Variants in CPD observed in about 807,000 individuals in gnomAD.
CPD encodes carboxypeptidase D.
In CPD, 69 loss-of-function variants were observed where a neutral mutation model predicts 138.3. That is an observed-to-expected ratio of 0.50 (90% CI 0.41 to 0.61). The LOEUF (loss-of-function observed/expected upper bound fraction) is 0.61. Ranked by LOEUF, CPD falls within the 20% of genes least tolerant of loss-of-function variation. The pLI is 0.00. For synonymous variants in CPD, 651 were observed against 642.1 expected, an observed-to-expected ratio of 1.01 and a Z score of -0.21; for missense variants, 1,432 against 1,733.3, an observed-to-expected ratio of 0.83 and a Z score of 3.09.
In CPD at chr17:30,438,916, T is replaced by G. The variant is rs538378259; in HGVS notation, c.2128-59T>G. 8.4e-5 allele frequency: 86 copies of G among 1,029,378 alleles called. No individual in the cohort carries two copies. The African/African-American group carries it at 1.3e-3, about 16-fold the overall frequency. 63.8% of individuals were successfully genotyped at this position (1,029,378 alleles called of 1,614,324 possible). On this transcript the variant is annotated intron_variant, in intron 8 of 20. Coordinates refer to ENST00000225719, the MANE Select transcript of CPD (RefSeq NM_001304.5). ...TTATTATTTTCCTGTATCTTTCCAG[T>G]ATTTTTTTTTGATGGAGATACAAAC...
chr17:30,402,084 A>G (rs1212656583), intron 2 of CPD, among the ~76,000 whole-genome samples: 5 of 149,476 alleles, frequency 3.3e-5, no homozygotes, highest in East Asian at 3.9e-4. Flanking sequence ...TCTGTTATTC[A>G]TAAGGCAATT....
At chr17:30,459,923 C>T (rs1329678534) in intron 17 of CPD, among the ~76,000 whole-genome samples, 1 of 152,148 alleles carries the variant, frequency 6.6e-6, no homozygotes, top group Admixed American at 6.5e-5. Context: ...CCCATTTCTG[C>T]CTGTCTTCCC....
intron 2 of CPD, among the ~76,000 whole-genome samples, chr17:30,399,616 A>G (rs1456633551): frequency 6.6e-6 from 1 of 152,114 alleles, no homozygotes; most frequent in East Asian, 1.9e-4. Context: ...TGATAGTCAT[A>G]TAGCTACTCC....
intron 8 of CPD, among the ~76,000 whole-genome samples, chr17:30,436,628 G>A (rs1912709645): frequency 6.6e-6 from 1 of 152,176 alleles, no homozygotes; most frequent in African/African-American, 2.4e-5. Context: ...ATATGCATAG[G>A]CAAAGGTGGA....
intron 2 of CPD, among the ~76,000 whole-genome samples, chr17:30,394,391 C>G (rs1911444028): frequency 6.6e-6 from 1 of 152,108 alleles, no homozygotes; most frequent in South Asian, 2.1e-4. Flanking sequence ...GCTGTAACCT[C>G]TTCTGAAACC....
intron 3 of CPD, among the ~76,000 whole-genome samples, 191 bp downstream of exon 3, chr17:30,421,174 T>C (rs561949534): frequency 1.8e-3 from 278 of 152,300 alleles, no homozygotes; most frequent in African/African-American, 6.4e-3. Context: ...CTGCTTCCCC[T>C]GCCCCTTACC....
At chr17:30,463,194 C>T (rs1184532353) in intron 20 of CPD, among the ~76,000 whole-genome samples, 1 of 152,212 alleles carries the variant, frequency 6.6e-6, no homozygotes, top group African/African-American at 2.4e-5. Flanking sequence ...ACTCAAACGT[C>T]ACCTCCACGG....
chr17:30,435,610 C>T (rs1241182424), intron 8 of CPD, among the ~76,000 whole-genome samples: 3 of 152,004 alleles, frequency 2.0e-5, no homozygotes, highest in African/African-American at 2.4e-5. Context: ...GATATGACAT[C>T]GGAAGCACAA....
chr17:30,443,807 T>G lies in CPD; in HGVS notation c.2379T>G (p.His793Gln). Residue 793 changes from histidine (H) to glutamine (Q), a missense_variant, in exon 11 of 21, where the codon CAT becomes CAG. By Grantham distance (24) the His-to-Gln change is conservative. Coordinates refer to ENST00000225719, the MANE Select transcript of CPD (RefSeq NM_001304.5). ...RSLIQFMKQVHQGVRGFVLDA... is the reference protein window; with the variant it reads ...RSLIQFMKQVQQGVRGFVLDA... The stretch of plus-strand genomic sequence containing the variant: ...TGTCCTTGTACTTAATCCAGGTTCA[T>G]CAGGGCGTCAGAGGATTTGTTCTAG... 6.2e-7 allele frequency: 1 copy of G among 1,609,422 alleles called. No individual in the cohort carries two copies. Among genetic ancestry groups the G allele is most frequent in the Non-Finnish European group, 8.5e-7 (1 of 1,176,684 alleles).
chr17:30,462,238 T>C, intron 19 of CPD, 132 bp from the exon 20 acceptor site: 3 of 1,057,452 alleles, frequency 2.8e-6, no homozygotes, highest in Non-Finnish European at 4.1e-6. Flanking sequence ...AGGGAAAATT[T>C]TCTAGCATTT....
intron 2 of CPD, among the ~76,000 whole-genome samples, chr17:30,409,923 T>G (rs1337463204): frequency 6.6e-6 from 1 of 152,230 alleles, no homozygotes; most frequent in Admixed American, 6.5e-5. Context: ...TGCTCTTGCT[T>G]CTCTAGTTCT....
At chr17:30,456,132 A>T in intron 15 of CPD, 124 bp from the exon 16 acceptor site, 4 of 659,140 alleles carry the variant, frequency 6.1e-6, no homozygotes, top group East Asian at 2.7e-5. Flanking sequence ...TTATAGTAAC[A>T]GTATACTTAA....
chr17:30,463,826 A>T (rs918868996), intron 20 of CPD, among the ~76,000 whole-genome samples: 11 of 152,176 alleles, frequency 7.2e-5, no homozygotes, highest in Admixed American at 7.2e-4. Flanking sequence ...GTGGTTAAAA[A>T]CACAGGAGGT....
chr17:30,424,078 A>G (rs1276185179), intron 6 of CPD, among the ~76,000 whole-genome samples: 1 of 152,080 alleles, frequency 6.6e-6, no homozygotes, highest in Non-Finnish European at 1.5e-5. Context: ...TCAGACCCAG[A>G]GGACATGTGT....
At chr17:30,417,903 C>G (rs1912156648) in intron 2 of CPD, among the ~76,000 whole-genome samples, 3 of 152,128 alleles carry the variant, frequency 2.0e-5, no homozygotes. Flanking sequence ...CCAGCCTCAC[C>G]ATTCATGACA....
intron 2 of CPD, among the ~76,000 whole-genome samples, chr17:30,388,066 T>C (rs886854953): frequency 1.1e-4 from 16 of 152,058 alleles, no homozygotes; most frequent in African/African-American, 3.6e-4. Flanking sequence ...TCCTGATGAG[T>C]GTTCAGCTTC....
Position 30,446,027 on chromosome 17 carries a change from G to A in CPD, c.2873+7G>A. 2.0e-6 allele frequency: 3 copies of A among 1,477,760 alleles called. No homozygotes were observed. The highest frequency in any genetic ancestry group is 2.0e-5 in the Admixed American group (1 of 48,916). The allele number at this position is 1,477,760 out of a possible 1,614,324, so 91.5% of individuals were successfully genotyped here. A position where few individuals can be genotyped will look rare whatever the true frequency, so the allele number is the denominator to read the frequency against. On this transcript the variant is annotated splice_region_variant and intron_variant, in intron 12 of 20. Transcript: ENST00000225719. ...ATATTACAAATCTTACCAAGTAAGT[G>A]TCACTTTCTATTGTCTTTTTTTTTT... is the stretch of plus-strand genomic sequence containing the variant.
intron 2 of CPD, among the ~76,000 whole-genome samples, chr17:30,395,025 C>A (rs1450013157): frequency 1.3e-5 from 2 of 151,810 alleles, no homozygotes; most frequent in Non-Finnish European, 2.9e-5. Flanking sequence ...GGTTCTAGAG[C>A]TTGGGAGAGA....
intron 2 of CPD, among the ~76,000 whole-genome samples, chr17:30,408,281 G>T (rs565696617): frequency 6.6e-6 from 1 of 152,128 alleles, no homozygotes; most frequent in Non-Finnish European, 1.5e-5. Context: ...GATTGTCTTG[G>T]CTATGCAGGC....
Sources: allele counts gnomAD v4.1 joint callset (sites outside exome capture counted in the v4.1 genomes callset), GRCh38; gene constraint gnomAD v4.1.1; transcripts MANE v1.5; gene names NCBI Gene and HGNC (gene_info 2026-07-23, HGNC 2026-07-21).